Variants in FGD5 observed in about 807,000 individuals in gnomAD.
The protein encoded by FGD5 is FYVE, RhoGEF and PH domain-containing protein 5.
FGD5 carries 28 observed loss-of-function variants against 133.4 expected under a neutral mutation model. The observed-to-expected ratio is 0.21, with a 90% CI of 0.16 to 0.29. The LOEUF (loss-of-function observed/expected upper bound fraction) is 0.29. Ranked by LOEUF, FGD5 falls within the 10% of genes least tolerant of loss-of-function variation. The pLI is 1.00. For missense variants in FGD5, 1,858 were observed against 1,895.2 expected (o/e 0.98, Z 0.36); for synonymous variants, 810 against 776.5 (o/e 1.04, Z -0.72).
Position 14,901,004 on chromosome 3 carries a change from T to C in FGD5, c.3207T>C (p.Gly1069=). The C allele has an allele frequency of 1.2e-6, 2 of 1,614,002 alleles. No homozygotes were observed. The highest frequency in any genetic ancestry group is 1.7e-6 in the Non-Finnish European group (2 of 1,179,870). The change falls in exon 9 of 20, where the codon GGT becomes GGC. Residue 1069 remains glycine (G), a splice_region_variant and synonymous_variant. Transcript: ENST00000285046. ...CTCCTGCTCTGTGTCCCTCCCCAGG[T>C]GCACTGAGCCTCATCTCCAAAGTCA... ...PDSAEYDNTQ[G]ALSLISKVTD... is the part of the protein sequence containing the mutation.
chr3:14,855,863 A>T (rs147506876), intron 1 of FGD5, among the ~76,000 whole-genome samples: 1 of 152,202 alleles, frequency 6.6e-6, no homozygotes, highest in Non-Finnish European at 1.5e-5. Flanking sequence ...TTTGCTGTAC[A>T]GATGCTTTGT....
chr3:14,901,151 A>C, intron 9 of FGD5, 90 bp downstream of exon 9: 1 of 1,332,984 alleles, frequency 7.5e-7, no homozygotes, highest in Non-Finnish European at 1.1e-6. Flanking sequence ...CCCCACTCCT[A>C]GGGGCTGCAG....
At chr3:14,863,152 C>T (rs2037433052) in intron 1 of FGD5, among the ~76,000 whole-genome samples, 2 of 152,214 alleles carry the variant, frequency 1.3e-5, no homozygotes, top group African/African-American at 4.8e-5. Context: ...GTATCTCATC[C>T]AGGCATTCCC....
chr3:14,891,927 C>T (rs2038036084), intron 4 of FGD5, among the ~76,000 whole-genome samples: 1 of 151,876 alleles, frequency 6.6e-6, no homozygotes, highest in Non-Finnish European at 1.5e-5. Flanking sequence ...CTCTCTCTCT[C>T]TTTCTTTTTC....
chr3:14,819,886 C>A lies in FGD5; in HGVS notation c.815C>A (p.Pro272His), dbSNP rs921327158. Reference sequence around the variant, plus strand: ...GAGGCAGAGACAGCCACAGACTGCCCTGAAGTTCTTGAGGAGGGATGTGAA... The same window carrying A: ...GAGGCAGAGACAGCCACAGACTGCCATGAAGTTCTTGAGGAGGGATGTGAA... ...VQEAETATDC[P>H]EVLEEGCEEA... The change falls in exon 1 of 20, where the codon CCT (proline) becomes CAT (histidine). Residue 272 changes from proline to histidine, a missense_variant. By Grantham distance (77) the Pro-to-His change is moderately conservative. Coordinates refer to ENST00000285046, the MANE Select transcript of FGD5 (RefSeq NM_152536.4). The surrounding 1 kb of genome is among the most constrained non-coding windows in gnomAD (Gnocchi z 4.1). 1 of 1,613,726 alleles carries A rather than the reference C, an allele frequency of 6.2e-7. No individual in the cohort carries two copies. The highest frequency in any genetic ancestry group is 1.3e-5 in the African/African-American group (1 of 75,010).
chr3:14,899,422 T>G (rs1033148152), intron 7 of FGD5, among the ~76,000 whole-genome samples: 1 of 152,162 alleles, frequency 6.6e-6, no homozygotes, highest in African/African-American at 2.4e-5. Flanking sequence ...CCCACTCCTC[T>G]GTTCTGAGCT....
rs117899834 is a variant in FGD5 at position 14,860,998 on chromosome 3, A to G, written c.2526-3130A>G. ...TGTGTCTAAAAATAATAATACATTTAAAAATACAGTGTTAAAAGAATACAG... is the reference window on the plus strand; with the variant it reads ...TGTGTCTAAAAATAATAATACATTTGAAAATACAGTGTTAAAAGAATACAG... On this transcript the variant is annotated intron_variant, in intron 1 of 19. Transcript: ENST00000285046. Among the ~76,000 whole-genome samples, 178 of 152,270 alleles carry G rather than the reference A, an allele frequency of 1.2e-3. 6 individuals carry two copies. In the East Asian group the frequency reaches 0.032, roughly 28 times the overall value.
At chr3:14,926,298 G>A in intron 18 of FGD5, 100 bp downstream of exon 18, 2 of 1,511,736 alleles carry the variant, frequency 1.3e-6, no homozygotes, top group Non-Finnish European at 1.8e-6. Flanking sequence ...GTGAGTCCTG[G>A]CTGCTGAGCC....
At chr3:14,910,977 G>A in intron 11 of FGD5, 48 bp downstream of exon 11, 1 of 1,567,728 alleles carries the variant, frequency 6.4e-7, no homozygotes, top group African/African-American at 1.4e-5. Flanking sequence ...CAAGTTCTAT[G>A]AGGTTTTCTA....
chr3:14,929,722 T>C (rs566287851), intron 18 of FGD5, among the ~76,000 whole-genome samples: 26 of 152,370 alleles, frequency 1.7e-4, no homozygotes, highest in African/African-American at 6.3e-4. Flanking sequence ...GATTAAGTTA[T>C]AGGATTTCTT....
intron 4 of FGD5, among the ~76,000 whole-genome samples, chr3:14,881,397 A>G (rs904608028): frequency 6.6e-6 from 1 of 152,190 alleles, no homozygotes; most frequent in African/African-American, 2.4e-5. Flanking sequence ...CTCTCGCTGC[A>G]TAACAAGAAC....
At chr3:14,932,416 TG>T (rs1559511424) in intron 18 of FGD5, 160 bp from the exon 19 acceptor site, 5 of 711,840 alleles carry the variant, frequency 7.0e-6, no homozygotes, top group Non-Finnish European at 1.1e-5. Context: ...GGGCTGGCTC[TG>T]GGGGGAAGCG....
upstream of FGD5, among the ~76,000 whole-genome samples, chr3:14,817,674 G>A (rs1025471097): frequency 2.6e-5 from 4 of 152,176 alleles, no homozygotes; most frequent in Admixed American, 6.5e-5. Context: ...AGATCTCCCG[G>A]CAGTCTGCTT....
rs747916076 is a variant in FGD5, at chr3:14,820,986, G to A, written c.1915G>A (p.Glu639Lys). Reference sequence around the variant, plus strand: ...AAAGAGCTCTCCCTCACTCCTGATCGAGAGCGACTCCCCGGACAAGTACAA... The same window carrying A: ...AAAGAGCTCTCCCTCACTCCTGATCAAGAGCGACTCCCCGGACAAGTACAA... ...ITKSSPSLLI[E>K]SDSPDKYKKK... is the part of the protein sequence containing the mutation. Residue 639 changes from glutamate (E) to lysine (K), a missense_variant, in exon 1 of 20, where the codon GAG becomes AAG. Glu to Lys is a moderately conservative substitution (Grantham distance 56, BLOSUM62 1). Transcript: ENST00000285046. 6 of 1,613,820 alleles carry A rather than the reference G, an allele frequency of 3.7e-6. No homozygotes were observed. The highest frequency in any genetic ancestry group is 1.6e-4 in the Middle Eastern group (1 of 6,062).
chr3:14,844,877 C>G lies in FGD5; in HGVS notation c.2526-19251C>G, dbSNP rs1010422892. ...TTTTTTGTTCCTGGAAAGTCTTGCC[C>G]TCATCTCTCCTCTTAACTAAATGCT... is the stretch of plus-strand genomic sequence containing the variant. On this transcript the variant is annotated intron_variant, in intron 1 of 19. Coordinates refer to ENST00000285046, the MANE Select transcript of FGD5 (RefSeq NM_152536.4). Among the ~76,000 whole-genome samples the G allele has an allele frequency of 1.2e-4, 19 of 152,214 alleles. No homozygotes were observed. The Middle Eastern group carries it at 0.01, about 82-fold the overall frequency.
intron 1 of FGD5, among the ~76,000 whole-genome samples, chr3:14,839,933 AAAACAAAC>A (rs71038439): frequency 0.017 from 2,506 of 149,630 alleles, 30 homozygotes; most frequent in Non-Finnish European, 0.022. Flanking sequence ...ACTGTCTCAA[AAAACAAAC>A]AAACAAACAA....
chr3:14,836,463 TGG>T (rs1218127619), intron 1 of FGD5, among the ~76,000 whole-genome samples: 1 of 152,168 alleles, frequency 6.6e-6, no homozygotes, highest in Admixed American at 6.5e-5. Flanking sequence ...CAAACGCAAA[TGG>T]TCTCCAGACT....
At chr3:14,920,948 G>A (rs979343564) in intron 13 of FGD5, among the ~76,000 whole-genome samples, 9 of 152,230 alleles carry the variant, frequency 5.9e-5, no homozygotes, top group African/African-American at 2.2e-4. Context: ...GGTGATGCCT[G>A]GGTGGGGGTC....
chr3:14,929,276 T>G (rs2038864255), intron 18 of FGD5, among the ~76,000 whole-genome samples: 1 of 152,270 alleles, frequency 6.6e-6, no homozygotes, highest in South Asian at 2.1e-4. Context: ...TTCTAGGTTT[T>G]GGTGATTATG....
Sources: gnomAD v4.1 joint callset for allele counts (sites outside exome capture counted in the v4.1 genomes callset) on GRCh38, gnomAD v4.1.1 for gene constraint, Gnocchi (gnomAD v3.1) non-coding constraint, MANE v1.5 for transcripts, NCBI Gene and HGNC (gene_info 2026-07-23, HGNC 2026-07-21) for gene names.